PRKCA: variants seen among roughly 807,000 people sequenced by gnomAD.
The protein encoded by PRKCA is protein kinase C alpha type.
A neutral mutation model predicts 87.0 loss-of-function variants in PRKCA; 27 were observed. The ratio of observed to expected loss-of-function variants is 0.31; its 90% confidence interval spans 0.23 to 0.43. The LOEUF (loss-of-function observed/expected upper bound fraction) is 0.43. Ranked by LOEUF, PRKCA falls within the 20% of genes least tolerant of loss-of-function variation. PRKCA has a pLI of 1.00. For missense variants in PRKCA, 518 were observed against 852.3 expected, an observed-to-expected ratio of 0.61 and a Z score of 4.88; for synonymous variants, 329 against 311.1, an observed-to-expected ratio of 1.06 and a Z score of -0.61.
intron 2 of PRKCA, among the ~76,000 whole-genome samples, chr17:66,385,888 G>T (rs1174353312): frequency 6.6e-6 from 1 of 152,116 alleles, no homozygotes; most frequent in Non-Finnish European, 1.5e-5. Context: ...CTCCCAAGTA[G>T]CTGGGATTAC....
At chr17:66,448,980 TAAA>T (rs58373500) in intron 2 of PRKCA, among the ~76,000 whole-genome samples, 58,096 of 140,488 alleles carry the variant, frequency 0.41, 11,845 homozygotes, top group Middle Eastern at 0.54. Flanking sequence ...ACTCTAAACT[TAAA>T]AAAAAAAAAA....
chr17:66,789,058 G>A, intron 16 of PRKCA, 79 bp downstream of exon 16: 1 of 1,478,650 alleles, frequency 6.8e-7, no homozygotes, highest in Non-Finnish European at 9.0e-7. Context: ...TCTTTTCTTG[G>A]AGAGAGGAGG....
intron 2 of PRKCA, among the ~76,000 whole-genome samples, chr17:66,350,261 C>G (rs41461845): frequency 0.038 from 5,792 of 151,988 alleles, 363 homozygotes; most frequent in African/African-American, 0.13. Context: ...CAATTCTGAT[C>G]TGAGAGGAAG....
At chr17:66,638,488 A>G (rs1180032237) in intron 3 of PRKCA, 1 of 152,198 alleles carries the variant, frequency 6.6e-6, no homozygotes, top group African/African-American at 2.4e-5. Context: ...TCATTTTTAT[A>G]AGTTCTGGGT....
At chr17:66,526,857 G>A (rs979493114) in intron 3 of PRKCA, among the ~76,000 whole-genome samples, 2 of 152,218 alleles carry the variant, frequency 1.3e-5, no homozygotes, top group African/African-American at 4.8e-5. Context: ...AGGTAAATTA[G>A]TTTGGAGATG....
intron 8 of PRKCA, among the ~76,000 whole-genome samples, chr17:66,716,639 C>T (rs1450389917): frequency 3.3e-5 from 5 of 152,106 alleles, no homozygotes; most frequent in African/African-American, 1.2e-4. Context: ...ACAGATGTGT[C>T]AATTATCAAC....
chr17:66,552,856 T>G (rs1806486371), intron 3 of PRKCA, among the ~76,000 whole-genome samples: 1 of 152,192 alleles, frequency 6.6e-6, no homozygotes, highest in African/African-American at 2.4e-5. Context: ...CCGCCATGTA[T>G]GATGAAATAC....
chr17:66,587,602 T>C (rs1487505121), intron 3 of PRKCA, among the ~76,000 whole-genome samples: 20 of 151,430 alleles, frequency 1.3e-4, no homozygotes, highest in Non-Finnish European at 2.2e-4. Context: ...GATAGATAGA[T>C]AGATTGATTG....
intron 13 of PRKCA, among the ~76,000 whole-genome samples, chr17:66,747,247 T>A (rs1469829253): frequency 6.6e-6 from 1 of 152,028 alleles, no homozygotes; most frequent in East Asian, 1.9e-4. Flanking sequence ...TTTAAAAAAA[T>A]TTTGTAGGGA....
At chr17:66,571,781 C>G (rs1969085980) in intron 3 of PRKCA, among the ~76,000 whole-genome samples, 1 of 152,208 alleles carries the variant, frequency 6.6e-6, no homozygotes, top group South Asian at 2.1e-4. Context: ...AAAGACCACT[C>G]TGAAGCAGGG....
At chr17:66,793,409 G>A (rs972930020) in intron 16 of PRKCA, among the ~76,000 whole-genome samples, 9 of 152,048 alleles carry the variant, frequency 5.9e-5, no homozygotes, top group African/African-American at 1.9e-4. Flanking sequence ...GGCCAACATG[G>A]TGAAACCCCA....
intron 2 of PRKCA, among the ~76,000 whole-genome samples, chr17:66,353,408 C>T (rs746133497): frequency 2.0e-5 from 3 of 152,112 alleles, no homozygotes; most frequent in South Asian, 2.1e-4. Context: ...CTTTCCCTTC[C>T]GACTTCTGTT....
intron 3 of PRKCA, among the ~76,000 whole-genome samples, chr17:66,559,471 T>C (rs1382891698): frequency 1.8e-5 from 2 of 113,882 alleles, no homozygotes; most frequent in African/African-American, 7.1e-5. Context: ...AGTGAGTCTC[T>C]GTCTCACCAA....
intron 2 of PRKCA, among the ~76,000 whole-genome samples, chr17:66,390,005 C>T (rs1910274493): frequency 6.6e-6 from 1 of 152,224 alleles, no homozygotes; most frequent in African/African-American, 2.4e-5. Flanking sequence ...GGGTGGATCA[C>T]CTGAGGTTGG....
chr17:66,458,250 C>A (rs1914662500), intron 2 of PRKCA, among the ~76,000 whole-genome samples: 1 of 152,138 alleles, frequency 6.6e-6, no homozygotes, highest in African/African-American at 2.4e-5. Flanking sequence ...TTGTCAGGAT[C>A]TTGTAGTTGC....
chr17:66,704,434 G>T (rs1280307315), intron 8 of PRKCA, among the ~76,000 whole-genome samples: 4 of 152,116 alleles, frequency 2.6e-5, no homozygotes, highest in Non-Finnish European at 5.9e-5. Flanking sequence ...AATAAAATTT[G>T]TTAACACATG....
At chr17:66,624,787 C>CAAATAAAT (rs3064605) in intron 3 of PRKCA, among the ~76,000 whole-genome samples, 3,164 of 143,678 alleles carry the variant, frequency 0.022, 65 homozygotes, top group African/African-American at 0.047. Context: ...GACTCCATCT[C>CAAATAAAT]AAATAAATAA....
intron 3 of PRKCA, among the ~76,000 whole-genome samples, chr17:66,503,958 G>T (rs1196305665): frequency 6.6e-6 from 1 of 152,138 alleles, no homozygotes; most frequent in Non-Finnish European, 1.5e-5. Context: ...AGTTAGATTT[G>T]CATGAGGTAC....
chr17:66,783,763 C>T lies in PRKCA; in HGVS notation c.1606-3104C>T, dbSNP rs1015805257. Among the ~76,000 whole-genome samples, 3 of 152,186 alleles carry T rather than the reference C, an allele frequency of 2.0e-5. No homozygotes were observed. In the East Asian group the frequency reaches 5.8e-4, roughly 29 times the overall value. On this transcript the variant is annotated intron_variant, in intron 14 of 16. Transcript: ENST00000413366. ...AGCTCCACCTGTGTTCCTTAGAGAA[C>T]GTTTCTCTTAGGCCTTTGGTTTGCA...
Sources: allele counts gnomAD v4.1 joint callset (sites outside exome capture counted in the v4.1 genomes callset), GRCh38; gene constraint gnomAD v4.1.1; transcripts MANE v1.5; gene names NCBI Gene and HGNC (gene_info 2026-07-23, HGNC 2026-07-21).